The following NBAS variants were observed in gnomAD, a reference collection of about 807,000 sequenced individuals.
The protein encoded by NBAS is NBAS subunit of NRZ tethering complex, also known as NAG/BC035112 fusion.
NBAS carries 219 observed loss-of-function variants against 302.5 expected under a neutral mutation model. That is an observed-to-expected ratio of 0.72 (90% CI 0.65 to 0.81). The LOEUF is 0.81. NBAS is among the 30% of genes least tolerant of loss of function. The pLI, the probability that NBAS is intolerant of heterozygous loss-of-function variation, is 0.00. For missense variants in NBAS, 2,932 were observed against 2,841.6 expected (o/e 1.03, Z -0.72); for synonymous variants, 1,118 against 1,021.6 (o/e 1.09, Z -1.80).
the NBAS span, among the ~76,000 whole-genome samples, chr2:14,903,962 G>A: frequency 1.3e-5 from 2 of 152,216 alleles, no homozygotes; most frequent in African/African-American, 4.8e-5. Flanking sequence ...ACCACCTGCA[G>A]GGGGCGGCAT....
At chr2:15,483,436 G>T in intron 12 of NBAS, 1 of 339,544 alleles carries the variant, frequency 2.9e-6, no homozygotes. Context: ...TTCTAGGCCT[G>T]AAGAAGTACA....
intron 26 of NBAS, among the ~76,000 whole-genome samples, chr2:15,398,929 G>A (rs947034568): frequency 1.2e-4 from 18 of 152,066 alleles, no homozygotes; most frequent in African/African-American, 4.3e-4. Context: ...TCATTAATCT[G>A]AAGCCAAGAA....
At chr2:15,553,724 C>CTCTT in intron 4 of NBAS, among the ~76,000 whole-genome samples, 1 of 150,342 alleles carries the variant, frequency 6.7e-6, no homozygotes, top group Admixed American at 6.7e-5. Flanking sequence ...CCCTCTCTCC[C>CTCTT]CCTCGCTCCC....
the NBAS span, among the ~76,000 whole-genome samples, chr2:15,099,361 T>C: frequency 6.6e-6 from 1 of 152,192 alleles, no homozygotes; most frequent in Middle Eastern, 3.4e-3. Context: ...TTACAGATTA[T>C]TTTTATATTT....
intron 21 of NBAS, among the ~76,000 whole-genome samples, chr2:15,451,612 A>G (rs1679014877): frequency 1.3e-5 from 2 of 152,180 alleles, no homozygotes; most frequent in South Asian, 4.2e-4. Context: ...GACCTAAATC[A>G]AATTTGTTCT....
chr2:14,969,693 T>G, the NBAS span, among the ~76,000 whole-genome samples: 1 of 152,132 alleles, frequency 6.6e-6, no homozygotes, highest in African/African-American at 2.4e-5. Flanking sequence ...TTATTTTTTT[T>G]AAATGCAGTG....
At chr2:15,285,939 C>T (rs1382787564) in intron 42 of NBAS, among the ~76,000 whole-genome samples, 2 of 152,180 alleles carry the variant, frequency 1.3e-5, no homozygotes, top group African/African-American at 2.4e-5. Context: ...GGATTACAGG[C>T]GTGAGCCATG....
intron 47 of NBAS, among the ~76,000 whole-genome samples, chr2:15,220,051 C>A (rs1666869895): frequency 6.9e-6 from 1 of 145,852 alleles, no homozygotes; most frequent in Non-Finnish European, 1.5e-5. Context: ...CACCTCCCTC[C>A]CGGACGGGGC....
At chr2:15,527,299 T>C (rs184198353) in intron 9 of NBAS, among the ~76,000 whole-genome samples, 38 of 152,358 alleles carry the variant, frequency 2.5e-4, no homozygotes, top group African/African-American at 8.9e-4. Flanking sequence ...ACATATTCCT[T>C]GCCTTCAAGT....
chr2:15,206,791 A>G (rs913111402), intron 48 of NBAS, among the ~76,000 whole-genome samples: 1 of 152,252 alleles, frequency 6.6e-6, no homozygotes, highest in Non-Finnish European at 1.5e-5. Flanking sequence ...GCAGGTGTAC[A>G]GAAGACACAA....
intron 23 of NBAS, among the ~76,000 whole-genome samples, chr2:15,420,895 C>G (rs925750249): frequency 6.6e-6 from 1 of 152,006 alleles, no homozygotes; most frequent in East Asian, 1.9e-4. Flanking sequence ...CACTCACAAC[C>G]CTTCAAAGAC....
the NBAS span, among the ~76,000 whole-genome samples, chr2:15,002,071 G>C: frequency 6.6e-6 from 1 of 152,096 alleles, no homozygotes; most frequent in Admixed American, 6.5e-5. Flanking sequence ...TAGACACAAA[G>C]GTTCTCCACG....
intron 23 of NBAS, among the ~76,000 whole-genome samples, chr2:15,421,009 C>T (rs186322842): frequency 1.3e-5 from 2 of 152,026 alleles, no homozygotes; most frequent in East Asian, 3.9e-4. Flanking sequence ...GAGGGAGGTA[C>T]AGTATGAGGC....
At chr2:15,493,961 G>A (rs1164428381) in intron 11 of NBAS, among the ~76,000 whole-genome samples, 1 of 151,710 alleles carries the variant, frequency 6.6e-6, no homozygotes, top group African/African-American at 2.4e-5. Context: ...ACGTAGCTGG[G>A]ATTACAGGCA....
intron 31 of NBAS, among the ~76,000 whole-genome samples, chr2:15,372,650 C>T (rs1231640117): frequency 1.3e-5 from 2 of 152,132 alleles, no homozygotes; most frequent in Non-Finnish European, 2.9e-5. Flanking sequence ...GACAGTCATT[C>T]TAATAGGAAA....
Position 15,279,990 on chromosome 2 carries a change from A to G in NBAS, c.5139-2889T>C, listed in dbSNP as rs181331632. ...CTTTTCACTAATCAAATTAATGATT[A>G]CCCTTCAAACCTGTTTAAGTGATTT... On this transcript the variant is annotated intron_variant, in intron 42 of 51. Coordinates refer to ENST00000281513, the MANE Select transcript of NBAS (RefSeq NM_015909.4). Among the ~76,000 whole-genome samples the G allele has an allele frequency of 1.7e-3, 254 of 152,306 alleles. 2 individuals are homozygous for G. Among genetic ancestry groups the G allele is most frequent in the African/African-American group, 6.0e-3 (250 of 41,574 alleles).
intron 34 of NBAS, among the ~76,000 whole-genome samples, chr2:15,352,544 A>C (rs1673414415): frequency 6.6e-6 from 1 of 152,108 alleles, no homozygotes; most frequent in Non-Finnish European, 1.5e-5. Context: ...TTTGGCTTAG[A>C]GCTTTACATC....
intron 41 of NBAS, 89 bp from the exon 42 acceptor site, chr2:15,287,272 C>A: frequency 1.1e-6 from 1 of 949,382 alleles, no homozygotes; most frequent in South Asian, 1.3e-5. Flanking sequence ...GGACTGCTCT[C>A]CAGTGAGAGA....
chr2:14,849,585 C>A, the NBAS span, among the ~76,000 whole-genome samples: 2 of 148,796 alleles, frequency 1.3e-5, no homozygotes, highest in African/African-American at 2.6e-5. Context: ...GAGAATGCCA[C>A]AAAGATACTC....
Sources: gnomAD v4.1 joint callset for allele counts (sites outside exome capture counted in the v4.1 genomes callset) on GRCh38, gnomAD v4.1.1 for gene constraint, MANE v1.5 for transcripts, NCBI Gene and HGNC (gene_info 2026-07-23, HGNC 2026-07-21) for gene names.